Variants in LRRC7 observed in about 807,000 individuals in gnomAD.
LRRC7 encodes the protein leucine-rich repeat-containing protein 7.
In LRRC7, 23 loss-of-function variants were observed where a neutral mutation model predicts 175.7. The observed-to-expected ratio is 0.13, with a 90% CI of 0.09 to 0.19. The LOEUF (loss-of-function observed/expected upper bound fraction) is 0.19, where lower values mean the gene tolerates loss of function less well. Ranked by LOEUF, LRRC7 falls within the 10% of genes least tolerant of loss-of-function variation. LRRC7 has a pLI of 1.00. For synonymous variants in LRRC7, 685 were observed against 680.9 expected, an observed-to-expected ratio of 1.01 and a Z score of -0.09; for missense variants, 1,354 against 1,904.7, an observed-to-expected ratio of 0.71 and a Z score of 5.38.
chr1:70,093,437 T>G (rs2102176763), intron 25 of LRRC7, among the ~76,000 whole-genome samples: 1 of 152,254 alleles, frequency 6.6e-6, no homozygotes, highest in South Asian at 2.1e-4. Context: ...ATTTAGCTGA[T>G]CTGTGGCAGA....
chr1:69,744,524 A>T (rs1283873717), intron 2 of LRRC7, among the ~76,000 whole-genome samples: 1 of 151,830 alleles, frequency 6.6e-6, no homozygotes, highest in African/African-American at 2.4e-5. Context: ...AATGTGAAAT[A>T]AAAAAAGGAT....
intron 2 of LRRC7, 99 bp from the exon 3 acceptor site, chr1:69,760,092 A>G (rs983352494): frequency 6.6e-6 from 8 of 1,205,904 alleles, no homozygotes; most frequent in Admixed American, 2.4e-5. Context: ...TCTAGACTGT[A>G]TACCAAAATT....
intron 8 of LRRC7, among the ~76,000 whole-genome samples, chr1:69,951,907 G>A (rs1649978969): frequency 6.6e-6 from 1 of 151,744 alleles, no homozygotes; most frequent in Admixed American, 6.6e-5. Flanking sequence ...ACCTTCAAGT[G>A]TACCCCCTAA....
At chr1:69,828,365 C>T (rs1228481228) in intron 5 of LRRC7, among the ~76,000 whole-genome samples, 2 of 152,140 alleles carry the variant, frequency 1.3e-5, no homozygotes, top group Non-Finnish European at 2.9e-5. Flanking sequence ...TTTCCCAAAG[C>T]TATTCAAATG....
intron 25 of LRRC7, among the ~76,000 whole-genome samples, chr1:70,096,520 A>G (rs1558065282): frequency 6.6e-6 from 1 of 152,188 alleles, no homozygotes; most frequent in Non-Finnish European, 1.5e-5. Flanking sequence ...CATTAAAATG[A>G]TTAAAGAAAA....
rs139590689 is a variant in LRRC7, at chr1:69,683,439, T to C, written c.100+4961T>C. Among the ~76,000 whole-genome samples the C allele has an allele frequency of 2.1e-3, 320 of 152,270 alleles. 4 individuals are homozygous for C. The highest frequency in any genetic ancestry group is 7.5e-3 in the African/African-American group (313 of 41,558). Reference sequence around the variant, plus strand: ...AGAAAGACAATAGCCATACTGTGGATTATAAGATTTTGCAGTCTAGCCTCC... The same window carrying C: ...AGAAAGACAATAGCCATACTGTGGACTATAAGATTTTGCAGTCTAGCCTCC... On this transcript the variant is annotated intron_variant, in intron 2 of 26. Transcript: ENST00000651989.
At chr1:69,939,912 AT>A (rs1480854813) in intron 8 of LRRC7, among the ~76,000 whole-genome samples, 18 of 152,158 alleles carry the variant, frequency 1.2e-4, no homozygotes, top group African/African-American at 4.3e-4. Context: ...CAATCATTCC[AT>A]AGTTAGCTGT....
intron 2 of LRRC7, among the ~76,000 whole-genome samples, chr1:69,739,990 C>G (rs1668531444): frequency 1.3e-5 from 2 of 151,984 alleles, no homozygotes; most frequent in African/African-American, 2.4e-5. Flanking sequence ...AGCATCGCAA[C>G]AGAACGCTAC....
intron 1 of LRRC7, among the ~76,000 whole-genome samples, chr1:69,609,178 G>A (rs1327575896): frequency 1.3e-5 from 2 of 151,316 alleles, no homozygotes; most frequent in Non-Finnish European, 2.9e-5. Flanking sequence ...TTTGACCTTG[G>A]GCTAATTTGT....
At chr1:69,913,643 C>T (rs1317695754) in intron 7 of LRRC7, among the ~76,000 whole-genome samples, 1 of 152,080 alleles carries the variant, frequency 6.6e-6, no homozygotes, top group Non-Finnish European at 1.5e-5. Context: ...ACCCAAGTAG[C>T]TGGGATTACA....
intron 7 of LRRC7, among the ~76,000 whole-genome samples, chr1:69,901,762 C>T (rs764142930): frequency 1.8e-4 from 28 of 152,094 alleles, no homozygotes; most frequent in Non-Finnish European, 3.8e-4. Context: ...ATGCAAAATA[C>T]TTTTTACACT....
intron 7 of LRRC7, among the ~76,000 whole-genome samples, chr1:69,911,544 C>T (rs191210665): frequency 1.3e-5 from 2 of 152,304 alleles, no homozygotes; most frequent in African/African-American, 4.8e-5. Context: ...GATTTGCATG[C>T]TTCCTCCCTC....
intron 3 of LRRC7, among the ~76,000 whole-genome samples, chr1:69,781,763 G>GAGAGAA (rs1557719849): frequency 2.0e-4 from 8 of 39,228 alleles, no homozygotes; most frequent in Admixed American, 3.1e-4. Context: ...GAGAGAGAGA[G>GAGAGAA]AGAAAGAAAG....
chr1:69,615,151 T>C (rs1197185808), intron 1 of LRRC7, among the ~76,000 whole-genome samples: 1 of 152,184 alleles, frequency 6.6e-6, no homozygotes, highest in African/African-American at 2.4e-5. Flanking sequence ...TAAACACTTA[T>C]GTAGGAAACA....
chr1:69,779,879 A>T (rs1673287035), intron 3 of LRRC7, among the ~76,000 whole-genome samples: 1 of 151,956 alleles, frequency 6.6e-6, no homozygotes, highest in Non-Finnish European at 1.5e-5. Flanking sequence ...GCACCTGTCC[A>T]GTACTATACC....
chr1:70,097,630 G>C (rs1401333094), intron 25 of LRRC7, among the ~76,000 whole-genome samples: 1 of 116,840 alleles, frequency 8.6e-6, no homozygotes, highest in East Asian at 2.6e-4. Flanking sequence ...CCCCACAACA[G>C]TCCCCAGAGT....
intron 20 of LRRC7, among the ~76,000 whole-genome samples, chr1:70,037,433 A>G (rs1215911020): frequency 6.6e-6 from 1 of 152,234 alleles, no homozygotes; most frequent in Non-Finnish European, 1.5e-5. Flanking sequence ...TAGAAATAAC[A>G]TGGTCAGTGG....
intron 18 of LRRC7, among the ~76,000 whole-genome samples, chr1:70,030,369 T>C (rs990056347): frequency 2.6e-5 from 4 of 152,190 alleles, no homozygotes; most frequent in East Asian, 1.9e-4. Context: ...GAAATTTCAC[T>C]GGTAATTTCA....
intron 14 of LRRC7, among the ~76,000 whole-genome samples, chr1:70,018,437 A>G (rs530323936): frequency 2.0e-5 from 3 of 152,160 alleles, no homozygotes; most frequent in East Asian, 3.9e-4. Context: ...AAACAATTTA[A>G]CACATTTTGA....
Sources: gnomAD v4.1 joint callset for allele counts (sites outside exome capture counted in the v4.1 genomes callset) on GRCh38, gnomAD v4.1.1 for gene constraint, MANE v1.5 for transcripts, NCBI Gene and HGNC (gene_info 2026-07-23, HGNC 2026-07-21) for gene names.